The following FOXP1 variants were observed in gnomAD, a reference collection of about 807,000 sequenced individuals.
The protein encoded by FOXP1 is forkhead box protein P1.
A neutral mutation model predicts 98.2 loss-of-function variants in FOXP1; 15 were observed. The observed-to-expected ratio is 0.15, with a 90% CI of 0.10 to 0.24. FOXP1 has a LOEUF of 0.24. FOXP1 is among the 10% of genes least tolerant of loss of function. FOXP1 has a pLI of 1.00. For synonymous variants in FOXP1, 371 were observed against 314.5 expected, an observed-to-expected ratio of 1.18 and a Z score of -1.90; for missense variants, 633 against 848.5, an observed-to-expected ratio of 0.75 and a Z score of 3.15.
chr3:71,115,737 CTTTTTTTT>C lies in FOXP1; in HGVS notation c.181-3108_181-3101del, dbSNP rs5849989. ...ATTCACACATACACACAAAACTATTCTTTTTTTTTTTTTTTTTTGGACAAAGTCTTGCT... is the reference window on the plus strand; with the variant it reads ...ATTCACACATACACACAAAACTATTCTTTTTTTTTTGGACAAAGTCTTGCT... On this transcript the variant is annotated intron_variant, in intron 6 of 20. Transcript: ENST00000649528. Among the ~76,000 whole-genome samples the C allele has an allele frequency of 4.3e-4, 50 of 116,088 alleles. 1 individual carries two copies. The highest frequency in any genetic ancestry group is 4.2e-3 in the Admixed American group (47 of 11,140). The allele number at this position is 116,088 out of a possible 152,430, so 76.2% of individuals were successfully genotyped here.
At chr3:71,283,252 A>C (rs1215196487) in intron 5 of FOXP1, among the ~76,000 whole-genome samples, 1 of 152,178 alleles carries the variant, frequency 6.6e-6, no homozygotes, top group Admixed American at 6.5e-5. Flanking sequence ...ACACCCAGAG[A>C]GGGGCTGTAA....
intron 6 of FOXP1, among the ~76,000 whole-genome samples, chr3:71,167,302 G>A (rs1046926020): frequency 2.0e-5 from 3 of 152,122 alleles, no homozygotes; most frequent in Admixed American, 6.6e-5. Context: ...AATCACTCTG[G>A]ACATATACAG....
chr3:71,405,411 G>A (rs2082246006), intron 3 of FOXP1, among the ~76,000 whole-genome samples: 1 of 152,196 alleles, frequency 6.6e-6, no homozygotes, highest in Non-Finnish European at 1.5e-5. Context: ...GACCATGTGA[G>A]ACACACAAAA....
intron 7 of FOXP1, among the ~76,000 whole-genome samples, chr3:71,057,491 G>T (rs1232970804): frequency 1.3e-5 from 2 of 148,718 alleles, no homozygotes; most frequent in Non-Finnish European, 3.0e-5. Context: ...AAAAATTTCC[G>T]ATACTGTAAC....
Position 71,052,548 on chromosome 3 carries a change from GT to G in FOXP1, c.498del (p.Lys166AsnfsTer40). ...TGTATTGTCGGTACCTCTTTAGGCTGTTTTCCAGCATGTTGTTGTTGTAAAA... is the reference window on the plus strand; with the variant it reads ...TGTATTGTCGGTACCTCTTTAGGCTGTTTCCAGCATGTTGTTGTTGTAAAA... ...LQLLQQQHAG[K>X]QPKEQQQVAT... On this transcript the variant is annotated frameshift_variant, in exon 9 of 21. Transcript: ENST00000649528. LOFTEE classifies it high-confidence loss of function. 6 of 1,327,544 alleles carry G rather than the reference GT, an allele frequency of 4.5e-6. No homozygotes were observed. Among genetic ancestry groups the G allele is most frequent in the Non-Finnish European group, 6.5e-6 (6 of 917,992 alleles). The allele number at this position is 1,327,544 out of a possible 1,614,324, so 82.2% of individuals were successfully genotyped here. A position where few individuals can be genotyped will look rare whatever the true frequency, so the allele number is the denominator to read the frequency against.
intron 18 of FOXP1, 79 bp from the exon 19 acceptor site, chr3:70,970,884 G>T: frequency 9.0e-7 from 1 of 1,109,126 alleles, no homozygotes; most frequent in Non-Finnish European, 1.4e-6. Flanking sequence ...TTTTAAGCTT[G>T]CTGGTGCCCT....
chr3:71,315,533 G>T (rs1019674099), intron 4 of FOXP1, among the ~76,000 whole-genome samples: 1 of 152,150 alleles, frequency 6.6e-6, no homozygotes, highest in African/African-American at 2.4e-5. Flanking sequence ...ATAAGGCATG[G>T]ATGGGGAAAA....
At chr3:71,472,079 T>C (rs1340548450) in intron 3 of FOXP1, among the ~76,000 whole-genome samples, 1 of 152,206 alleles carries the variant, frequency 6.6e-6, no homozygotes, top group Non-Finnish European at 1.5e-5. Context: ...AGGTACGTTT[T>C]ATAGTTTTTC....
chr3:71,480,319 T>C (rs1162068919), intron 3 of FOXP1, among the ~76,000 whole-genome samples: 1 of 152,238 alleles, frequency 6.6e-6, no homozygotes, highest in African/African-American at 2.4e-5. Flanking sequence ...ATGCTGCTAC[T>C]GCAGGTACTA....
rs188476253 is a variant in FOXP1, at chr3:71,460,421, G to T, written c.-168+33005C>A. 6.5e-4 allele frequency among the ~76,000 whole-genome samples: 98 copies of T among 150,786 alleles called. 1 individual carries two copies. The highest frequency in any genetic ancestry group is 8.4e-4 in the Non-Finnish European group (57 of 67,584). ...TGCCCCGCTAATTTTTGATTTTTTG[G>T]TTTTTTTCGTTTTTTTTTGTTGTTG... On this transcript the variant is annotated intron_variant, in intron 3 of 20. Coordinates refer to ENST00000649528, the MANE Select transcript of FOXP1 (RefSeq NM_001349338.3).
intron 11 of FOXP1, among the ~76,000 whole-genome samples, chr3:71,036,299 A>G (rs112527604): frequency 1.3e-3 from 191 of 152,348 alleles, no homozygotes; most frequent in African/African-American, 4.4e-3. Context: ...TGAAGAGAGC[A>G]TAGGTTAAAC....
At chr3:71,499,534 T>C (rs961999788) in intron 2 of FOXP1, among the ~76,000 whole-genome samples, 7 of 152,204 alleles carry the variant, frequency 4.6e-5, no homozygotes, top group African/African-American at 4.8e-5. Context: ...CTAAATCAGA[T>C]TGGCCAGAAA....
chr3:70,982,405 T>A (rs557600929), intron 14 of FOXP1, among the ~76,000 whole-genome samples: 1 of 152,368 alleles, frequency 6.6e-6, no homozygotes, highest in South Asian at 2.1e-4. Context: ...TTTCTTTTCC[T>A]GATGGAAAGC....
intron 7 of FOXP1, among the ~76,000 whole-genome samples, chr3:71,061,040 TA>T (rs1471731830): frequency 3.3e-5 from 5 of 152,102 alleles, no homozygotes; most frequent in Non-Finnish European, 7.4e-5. Context: ...TCTTCTCAGA[TA>T]ATTCAAGTCT....
chr3:71,018,200 A>G (rs2044802932), intron 11 of FOXP1, among the ~76,000 whole-genome samples: 1 of 152,206 alleles, frequency 6.6e-6, no homozygotes, highest in African/African-American at 2.4e-5. Context: ...GAAGGATCCA[A>G]GATCTGAATA....
At chr3:70,964,558 T>C (rs2106973093) in intron 20 of FOXP1, among the ~76,000 whole-genome samples, 1 of 152,360 alleles carries the variant, frequency 6.6e-6, no homozygotes, top group South Asian at 2.1e-4. Flanking sequence ...TGAACTTCGT[T>C]AGTATCTAAG....
chr3:70,971,572 C>CTATT (rs1331146128), intron 18 of FOXP1: 1 of 154,948 alleles, frequency 6.5e-6, no homozygotes, highest in African/African-American at 2.4e-5. Flanking sequence ...GCAATATGAC[C>CTATT]TATTTCTTTA....
intron 3 of FOXP1, among the ~76,000 whole-genome samples, chr3:71,431,447 A>T (rs969488514): frequency 6.6e-6 from 1 of 152,180 alleles, no homozygotes; most frequent in South Asian, 2.1e-4. Flanking sequence ...CATGCTAGGC[A>T]CTTAGCTAAG....
chr3:71,215,947 G>C (rs548465478), intron 5 of FOXP1, among the ~76,000 whole-genome samples: 2 of 152,326 alleles, frequency 1.3e-5, no homozygotes, highest in South Asian at 4.1e-4. Context: ...TTTCTCCTTT[G>C]TATATGCAGT....
Sources: allele counts gnomAD v4.1 joint callset (sites outside exome capture counted in the v4.1 genomes callset), GRCh38; gene constraint gnomAD v4.1.1; transcripts MANE v1.5; gene names NCBI Gene and HGNC (gene_info 2026-07-23, HGNC 2026-07-21).